Variants in TIPRL observed in about 807,000 individuals in gnomAD.
The protein encoded by TIPRL is TIP41-like protein.
Under a neutral mutation model 32.3 loss-of-function variants are expected in TIPRL, and 10 were observed. The observed-to-expected ratio is 0.31, with a 90% CI of 0.19 to 0.52. The LOEUF (loss-of-function observed/expected upper bound fraction) is 0.52, where lower values mean the gene tolerates loss of function less well. Ranked by LOEUF, TIPRL falls within the 20% of genes least tolerant of loss-of-function variation. TIPRL has a pLI of 0.96. For missense variants in TIPRL, 250 were observed against 328.1 expected, an observed-to-expected ratio of 0.76 and a Z score of 1.84; for synonymous variants, 100 against 114.0, an observed-to-expected ratio of 0.88 and a Z score of 0.78.
intron 6 of TIPRL, among the ~76,000 whole-genome samples, chr1:168,199,588 G>A (rs189668068): frequency 1.0e-3 from 159 of 152,238 alleles, no homozygotes; most frequent in African/African-American, 3.5e-3. Flanking sequence ...ACTACATGCT[G>A]TGCTCTAACC....
chr1:168,191,317 A>G, intron 3 of TIPRL, 52 bp from the exon 4 acceptor site: 1 of 1,472,400 alleles, frequency 6.8e-7, no homozygotes, highest in Non-Finnish European at 9.0e-7. Flanking sequence ...GTGTCTCTGT[A>G]GCTCCTCAAC....
intron 2 of TIPRL, 122 bp downstream of exon 2, chr1:168,184,203 T>A: frequency 1.1e-6 from 1 of 929,746 alleles, no homozygotes; most frequent in Non-Finnish European, 1.5e-6. Context: ...CTGGTATTAT[T>A]AAACTTGAGA....
At chr1:168,197,240 C>A (rs1223390047) in intron 5 of TIPRL, among the ~76,000 whole-genome samples, 1 of 150,860 alleles carries the variant, frequency 6.6e-6, no homozygotes, top group African/African-American at 2.4e-5. Flanking sequence ...ATTGCTTGAG[C>A]TGGTGAAGGT....
intron 1 of TIPRL, among the ~76,000 whole-genome samples, chr1:168,181,361 A>T (rs1699960564): frequency 6.6e-6 from 1 of 151,104 alleles, no homozygotes; most frequent in South Asian, 2.1e-4. Context: ...ACAGGCATGC[A>T]TCACCACGCC....
chr1:168,185,795 G>A (rs1186243567), intron 3 of TIPRL, among the ~76,000 whole-genome samples: 10 of 145,962 alleles, frequency 6.9e-5, no homozygotes, highest in Non-Finnish European at 1.2e-4. Context: ...GAAGAGATTC[G>A]GCCAGGTGCA....
chr1:168,184,690 T>C, intron 2 of TIPRL, 89 bp from the exon 3 acceptor site: 1 of 812,070 alleles, frequency 1.2e-6, no homozygotes, highest in South Asian at 1.6e-5. Flanking sequence ...GGATATGTTA[T>C]TATAGAATAT....
rs1397958045 is a variant in TIPRL, at chr1:168,198,824, A to G, written c.613-95A>G. ...CTTTAGACTGCATGCTGTTTTGACA[A>G]CCTATCCTAAAATGTAGGCAGTCTG... On this transcript the variant is annotated intron_variant, in intron 5 of 6. Transcript: ENST00000367833. The G allele has an allele frequency of 3.7e-6, 4 of 1,073,014 alleles. No homozygotes were observed. The African/African-American group carries it at 4.8e-5, about 13-fold the overall frequency. The allele number at this position is 1,073,014 out of a possible 1,614,324, so 66.5% of individuals were successfully genotyped here.
intron 4 of TIPRL, among the ~76,000 whole-genome samples, chr1:168,192,614 T>A (rs1313554774): frequency 6.6e-6 from 1 of 152,176 alleles, no homozygotes; most frequent in Non-Finnish European, 1.5e-5. Flanking sequence ...AACCTCTCAA[T>A]TAGGCCGGGC....
chr1:168,190,766 C>T (rs60668013), intron 3 of TIPRL, among the ~76,000 whole-genome samples: 2,401 of 152,212 alleles, frequency 0.016, 55 homozygotes, highest in African/African-American at 0.055. Flanking sequence ...TGTTGGATTA[C>T]GTGTGTGCAT....
At chr1:168,179,293 C>T in intron 1 of TIPRL, 112 bp downstream of exon 1, 2 of 874,912 alleles carry the variant, frequency 2.3e-6, no homozygotes, top group Non-Finnish European at 3.6e-6. Context: ...AGGTTCGGTC[C>T]CTCCGGACCG....
At chr1:168,194,922 AATTCGTAATGGAG>A (rs1445110722) in intron 4 of TIPRL, among the ~76,000 whole-genome samples, 1 of 152,214 alleles carries the variant, frequency 6.6e-6, no homozygotes, top group Admixed American at 6.5e-5. Flanking sequence ...CAAATCCGTT[AATTCGTAATGGAG>A]TGCTATGAGA....
intron 4 of TIPRL, among the ~76,000 whole-genome samples, chr1:168,193,136 T>C (rs1262686048): frequency 1.3e-5 from 2 of 152,152 alleles, no homozygotes; most frequent in East Asian, 1.9e-4. Context: ...TACAGTGAGC[T>C]ATGATGGTGC....
At chr1:168,198,767 A>T in intron 5 of TIPRL, 152 bp from the exon 6 acceptor site, 1 of 623,296 alleles carries the variant, frequency 1.6e-6, no homozygotes, top group Admixed American at 3.2e-5. Flanking sequence ...TGAGTTAAAT[A>T]GGAGTTATCT....
chr1:168,186,623 A>G (rs112597562), intron 3 of TIPRL, among the ~76,000 whole-genome samples: 1,926 of 152,202 alleles, frequency 0.013, 40 homozygotes, highest in African/African-American at 0.043. Context: ...AAAAGTAGCT[A>G]TTGGAAACCC....
intron 1 of TIPRL, among the ~76,000 whole-genome samples, chr1:168,180,738 A>G (rs963681355): frequency 3.9e-5 from 6 of 151,986 alleles, no homozygotes; most frequent in Admixed American, 3.3e-4. Context: ...AAAGGAAAAA[A>G]ATTTCCCTTC....
rs987023789 is a variant in TIPRL at position 168,199,504 on chromosome 1, C to T, written c.676-399C>T. On this transcript the variant is annotated intron_variant, in intron 6 of 6. Coordinates refer to ENST00000367833, the MANE Select transcript of TIPRL (RefSeq NM_152902.5). ...CTATAAACTTGATTTTATTTTTTCACGCTTAGTATGTACTTCTGTCTGGGT... is the reference window on the plus strand; with the variant it reads ...CTATAAACTTGATTTTATTTTTTCATGCTTAGTATGTACTTCTGTCTGGGT... Among the ~76,000 whole-genome samples, 11 of 152,022 alleles carry T rather than the reference C, an allele frequency of 7.2e-5. 1 individual carries two copies. The highest frequency in any genetic ancestry group is 3.9e-4 in the Admixed American group (6 of 15,238).
At chr1:168,184,717 T>C (rs558717978) in intron 2 of TIPRL, 62 bp from the exon 3 acceptor site, 1 of 990,592 alleles carries the variant, frequency 1.0e-6, no homozygotes, top group Non-Finnish European at 1.6e-6. Flanking sequence ...ATGTGATATA[T>C]AAATACAGAT....
At chr1:168,180,812 T>TC (rs1699951989) in intron 1 of TIPRL, among the ~76,000 whole-genome samples, 1 of 145,738 alleles carries the variant, frequency 6.9e-6, no homozygotes, top group Non-Finnish European at 1.5e-5. Context: ...TTTCTTTTTT[T>TC]TTTATAACTT....
At chr1:168,182,937 T>G (rs1699985234) in intron 1 of TIPRL, among the ~76,000 whole-genome samples, 3 of 152,242 alleles carry the variant, frequency 2.0e-5, no homozygotes, top group Admixed American at 2.0e-4. Flanking sequence ...AAATTTTACT[T>G]AAAATTATGA....
Sources: gnomAD v4.1 joint callset for allele counts (sites outside exome capture counted in the v4.1 genomes callset) on GRCh38, gnomAD v4.1.1 for gene constraint, MANE v1.5 for transcripts, NCBI Gene and HGNC (gene_info 2026-07-23, HGNC 2026-07-21) for gene names.